Variants in STS observed in about 807,000 individuals in gnomAD.
STS encodes the protein steryl-sulfatase.
In STS, 7 loss-of-function variants were observed where a neutral mutation model predicts 26.8. The ratio of observed to expected loss-of-function variants is 0.26; its 90% CI spans 0.15 to 0.49. STS has a LOEUF of 0.49. Ranked by LOEUF, STS falls within the 20% of genes least tolerant of loss-of-function variation. The probability of loss-of-function intolerance (pLI) is 0.98; values close to 1 mark genes in which losing one functional copy is unlikely to be tolerated. For missense variants in STS, 434 were observed against 465.6 expected (o/e 0.93, Z 0.63); for synonymous variants, 199 against 189.4 (o/e 1.05, Z -0.42).
intron 1 of STS, among the ~76,000 whole-genome samples, chrX:7,174,174 G>C (rs1400837681): frequency 9.0e-6 from 1 of 111,536 alleles, no homozygotes; most frequent in African/African-American, 3.3e-5. Context: ...GGCCCTATAG[G>C]GTTTCTCTTT....
intron 2 of STS, among the ~76,000 whole-genome samples, chrX:7,250,403 T>TAAA (rs1468138264): frequency 9.8e-6 from 1 of 102,454 alleles, no homozygotes; most frequent in African/African-American, 3.6e-5. Context: ...AACCATGCTT[T>TAAA]AAAAAAAAAA....
intron 8 of STS, among the ~76,000 whole-genome samples, chrX:7,318,921 A>T (rs1332607829): frequency 9.0e-6 from 1 of 111,484 alleles, no homozygotes; most frequent in Admixed American, 9.6e-5. Context: ...TCCTTTGGGA[A>T]TCTGGAATCT....
intron 2 of STS, among the ~76,000 whole-genome samples, chrX:7,232,803 G>A (rs1316794272): frequency 1.8e-5 from 2 of 112,104 alleles, no homozygotes; most frequent in Admixed American, 9.4e-5. Flanking sequence ...ATCCCCACAT[G>A]TTGGGAGAGG....
chrX:7,212,487 G>A (rs1921074774), intron 2 of STS, among the ~76,000 whole-genome samples: 2 of 110,611 alleles, frequency 1.8e-5, no homozygotes, highest in African/African-American at 6.6e-5. Flanking sequence ...AGAAAAAAGA[G>A]AAAAAAGAAA....
chrX:7,205,031 G>A (rs890243904), intron 2 of STS, among the ~76,000 whole-genome samples: 1 of 111,742 alleles, frequency 8.9e-6, no homozygotes, highest in Non-Finnish European at 1.9e-5. Flanking sequence ...TGCTTCTGTT[G>A]CCTGTTGTTG....
At chrX:7,210,243 A>G (rs1485581954) in intron 2 of STS, among the ~76,000 whole-genome samples, 1 of 111,126 alleles carries the variant, frequency 9.0e-6, no homozygotes, top group Non-Finnish European at 1.9e-5. Context: ...TCCCACCAAC[A>G]GTGTAAAAGT....
chrX:7,350,097 A>G lies in STS; in HGVS notation c.1573A>G (p.Met525Val). ...CCGGTTTTATGAAATCCTCAAAGTCATGCAGGAAGCTGCGGACAGACACAC... is the reference window on the plus strand; with the variant it reads ...CCGGTTTTATGAAATCCTCAAAGTCGTGCAGGAAGCTGCGGACAGACACAC... The part of the protein sequence containing the change: ...EPRFYEILKV[M>V]QEAADRHTQT... Residue 525 changes from methionine to valine, a missense_variant, in exon 11 of 11, where the codon ATG (methionine) becomes GTG (valine). By Grantham distance (21) the Met-to-Val change is conservative. Coordinates refer to ENST00000674429, the MANE Select transcript of STS (RefSeq NM_001320752.2). 7 of 1,212,025 alleles carry G rather than the reference A, an allele frequency of 5.8e-6. No individual in the cohort carries two copies. Among genetic ancestry groups the G allele is most frequent in the Non-Finnish European group, 6.7e-6 (6 of 895,502 alleles).
intron 1 of STS, among the ~76,000 whole-genome samples, chrX:7,167,419 T>G (rs968510014): frequency 2.7e-5 from 3 of 110,798 alleles, no homozygotes; most frequent in Non-Finnish European, 5.7e-5. Flanking sequence ...TTTCGCCATG[T>G]TGGTCAGGCT....
chrX:7,151,597 G>A (rs1374203048), intron 1 of STS, among the ~76,000 whole-genome samples: 1 of 112,312 alleles, frequency 8.9e-6, no homozygotes, highest in Non-Finnish European at 1.9e-5. Flanking sequence ...GACATAGATG[G>A]CTGAATTCGC....
intron 6 of STS, among the ~76,000 whole-genome samples, chrX:7,273,592 C>T (rs776178732): frequency 1.1e-4 from 12 of 111,775 alleles, no homozygotes; most frequent in African/African-American, 2.6e-4. Context: ...CAGGCCTTGC[C>T]GGCTTTCCCC....
At chrX:7,148,175 G>A (rs1932925135) in intron 1 of STS, 92 bp downstream of exon 1, 2 of 808,546 alleles carry the variant, frequency 2.5e-6, no homozygotes, top group African/African-American at 4.3e-5. Context: ...CGCCCGCCCC[G>A]CGCACGCGCA....
At chrX:7,192,946 C>T (rs1439266112) in intron 2 of STS, among the ~76,000 whole-genome samples, 1 of 112,710 alleles carries the variant, frequency 8.9e-6, no homozygotes. Context: ...AAACCCTGCT[C>T]ACTGCAACAA....
At chrX:7,276,151 C>T (rs1017178216) in intron 7 of STS, 64 bp downstream of exon 7, 10 of 1,172,837 alleles carry the variant, frequency 8.5e-6, no homozygotes, top group Non-Finnish European at 1.2e-5. Flanking sequence ...TGTTTTCTTT[C>T]CTGTGTATTT....
chrX:7,208,427 A>G (rs1920965843), intron 2 of STS, among the ~76,000 whole-genome samples: 2 of 112,260 alleles, frequency 1.8e-5, no homozygotes, highest in African/African-American at 6.5e-5. Flanking sequence ...AATTTTCTTT[A>G]AATATTTTGT....
chrX:7,275,818 T>G, intron 6 of STS, 133 bp from the exon 7 acceptor site: 1 of 778,903 alleles, frequency 1.3e-6, no homozygotes. Context: ...ATTAGGCAAT[T>G]AACTTGTAAT....
intron 2 of STS, among the ~76,000 whole-genome samples, chrX:7,199,925 A>G (rs1312249305): frequency 9.0e-6 from 1 of 111,293 alleles, no homozygotes; most frequent in Non-Finnish European, 1.9e-5. Context: ...TGGAGACATT[A>G]CCATACAAAT....
At chrX:7,164,163 G>C (rs1237558948) in intron 1 of STS, among the ~76,000 whole-genome samples, 2 of 111,686 alleles carry the variant, frequency 1.8e-5, no homozygotes, top group Non-Finnish European at 3.8e-5. Context: ...ACAGGCTGCT[G>C]TCCAAGACTT....
intron 10 of STS, among the ~76,000 whole-genome samples, chrX:7,349,411 C>T (rs1336874778): frequency 1.1e-5 from 1 of 92,850 alleles, no homozygotes; most frequent in African/African-American, 4.0e-5. Flanking sequence ...TCTCAGCTCA[C>T]TGCAACCACC....
intron 1 of STS, among the ~76,000 whole-genome samples, chrX:7,178,457 A>G (rs1301324496): frequency 9.0e-6 from 1 of 111,540 alleles, no homozygotes; most frequent in Non-Finnish European, 1.9e-5. Context: ...CCGCTGCCGC[A>G]TCGTGGGCAG....
Sources: gnomAD v4.1 joint callset for allele counts (sites outside exome capture counted in the v4.1 genomes callset) on GRCh38, gnomAD v4.1.1 for gene constraint, MANE v1.5 for transcripts, NCBI Gene and HGNC (gene_info 2026-07-23, HGNC 2026-07-21) for gene names.